The following SERPINI1 variants were observed in gnomAD, a reference collection of about 807,000 sequenced individuals.
SERPINI1 encodes serpin family I member 1, also known as neuroserpin.
Under a neutral mutation model 41.1 loss-of-function variants are expected in SERPINI1, and 19 were observed. The observed-to-expected ratio is 0.46, with a 90% CI of 0.32 to 0.68. The LOEUF (loss-of-function observed/expected upper bound fraction) is 0.68, where lower values mean the gene tolerates loss of function less well. SERPINI1 is among the 30% of genes least tolerant of loss of function. The pLI is 0.03. For synonymous variants in SERPINI1, 138 were observed against 156.6 expected (o/e 0.88, Z 0.89); for missense variants, 460 against 479.2 (o/e 0.96, Z 0.37).
At chr3:167,817,556 T>A (rs1712143397) in intron 6 of SERPINI1, among the ~76,000 whole-genome samples, 1 of 151,906 alleles carries the variant, frequency 6.6e-6, no homozygotes, top group African/African-American at 2.4e-5. Flanking sequence ...TCAAATATTC[T>A]ATTTTTTTCC....
Position 167,778,794 on chromosome 3 carries a change from G to C in SERPINI1, c.-18-10317G>C, listed in dbSNP as rs543136022. ...GGCCCTTACCATAATTCCCGAACAAGAAAGGAGTTAGTCTGGGGAAGAGGC... is the reference window on the plus strand; with the variant it reads ...GGCCCTTACCATAATTCCCGAACAACAAAGGAGTTAGTCTGGGGAAGAGGC... On this transcript the variant is annotated intron_variant, in intron 1 of 8. Coordinates refer to ENST00000446050, the MANE Select transcript of SERPINI1 (RefSeq NM_001122752.2). Among the ~76,000 whole-genome samples, 11 of 152,332 alleles carry C rather than the reference G, an allele frequency of 7.2e-5. No homozygotes were observed. The South Asian group carries it at 2.3e-3, about 32-fold the overall frequency.
At chr3:167,823,945 G>T (rs932280455) in intron 7 of SERPINI1, among the ~76,000 whole-genome samples, 3 of 152,160 alleles carry the variant, frequency 2.0e-5, no homozygotes, top group Admixed American at 1.3e-4. Flanking sequence ...ATACCTCGTT[G>T]TATCTCTCAC....
At chr3:167,756,082 C>G (rs985195064) in intron 1 of SERPINI1, among the ~76,000 whole-genome samples, 6 of 151,210 alleles carry the variant, frequency 4.0e-5, no homozygotes, top group South Asian at 4.2e-4. Flanking sequence ...AGCCATCCTG[C>G]CCACGAATGA....
In SERPINI1 at chr3:167,778,420, G is replaced by A. The variant is rs150002610; in HGVS notation, c.-18-10691G>A. Among the ~76,000 whole-genome samples the A allele has an allele frequency of 3.6e-3, 543 of 152,290 alleles. 1 individual carries two copies. Among genetic ancestry groups the A allele is most frequent in the South Asian group, 0.016 (76 of 4,820 alleles). ...TTTGTAAGGATAATTTGGTGGGCAG[G>A]GGGCTAGGAAATGGGTTTCTCTGAT... On this transcript the variant is annotated intron_variant, in intron 1 of 8. Transcript: ENST00000446050.
chr3:167,739,211 A>G lies in SERPINI1; in HGVS notation c.-19+3388A>G, dbSNP rs934737324. Among the ~76,000 whole-genome samples, 3 of 151,334 alleles carry G rather than the reference A, an allele frequency of 2.0e-5. No individual in the cohort carries two copies. In the Admixed American group the frequency reaches 2.0e-4, roughly 10 times the overall value. ...ACTACGTTATTAACTCTTAGAGACC[A>G]TGTACTTCTTTTCTATCTCCTGTTA... On this transcript the variant is annotated intron_variant, in intron 1 of 8. Transcript: ENST00000446050.
chr3:167,803,737 C>T (rs578054145), intron 5 of SERPINI1, among the ~76,000 whole-genome samples: 5 of 152,254 alleles, frequency 3.3e-5, no homozygotes, highest in African/African-American at 1.2e-4. Flanking sequence ...CTACTAATAT[C>T]TTCCTTCTCT....
At chr3:167,793,851 T>C (rs1727622270) in intron 4 of SERPINI1, among the ~76,000 whole-genome samples, 1 of 151,070 alleles carries the variant, frequency 6.6e-6, no homozygotes, top group Admixed American at 6.6e-5. Context: ...TGTGTGTGTG[T>C]GTGTGTGTGT....
intron 6 of SERPINI1, among the ~76,000 whole-genome samples, chr3:167,821,331 C>T (rs1266041657): frequency 6.6e-6 from 1 of 152,202 alleles, no homozygotes; most frequent in African/African-American, 2.4e-5. Flanking sequence ...AGCTCCCGAG[C>T]CAGGGCTGTG....
intron 6 of SERPINI1, among the ~76,000 whole-genome samples, chr3:167,812,718 G>T (rs2055028): frequency 6.6e-6 from 1 of 152,106 alleles, no homozygotes; most frequent in Non-Finnish European, 1.5e-5. Flanking sequence ...TGAGATGCTC[G>T]ATATTTATTA....
chr3:167,800,362 G>T (rs541074076), intron 5 of SERPINI1, among the ~76,000 whole-genome samples: 16 of 152,230 alleles, frequency 1.1e-4, no homozygotes, highest in African/African-American at 3.8e-4. Flanking sequence ...ATTGTAGTTT[G>T]TTTAGTGTAC....
In SERPINI1 at chr3:167,797,516, T is replaced by G. The variant is rs138559624; in HGVS notation, c.881+2692T>G. Among the ~76,000 whole-genome samples the G allele has an allele frequency of 2.6e-3, 401 of 152,250 alleles. 11 individuals carry two copies. In the East Asian group the frequency reaches 0.055, roughly 21 times the overall value. ...GTCTTTAATCCATCTTGAGTTAACT[T>G]TTGTATAAGGTGTAAGGAAGGGATC... On this transcript the variant is annotated intron_variant, in intron 5 of 8. Coordinates refer to ENST00000446050, the MANE Select transcript of SERPINI1 (RefSeq NM_001122752.2).
chr3:167,767,201 A>G (rs1482185656), intron 1 of SERPINI1, among the ~76,000 whole-genome samples: 1 of 152,226 alleles, frequency 6.6e-6, no homozygotes, highest in Non-Finnish European at 1.5e-5. Flanking sequence ...ATCTTAGGGC[A>G]CTTAAGAATT....
At chr3:167,800,768 T>G (rs1240632980) in intron 5 of SERPINI1, among the ~76,000 whole-genome samples, 1 of 152,042 alleles carries the variant, frequency 6.6e-6, no homozygotes, top group African/African-American at 2.4e-5. Context: ...GAAAACTACA[T>G]AAGTCGTCTG....
chr3:167,793,331 G>A (rs1727590482), intron 4 of SERPINI1, among the ~76,000 whole-genome samples: 1 of 151,934 alleles, frequency 6.6e-6, no homozygotes, highest in Admixed American at 6.6e-5. Flanking sequence ...CAGAAGTTTA[G>A]GGTATTAGTC....
chr3:167,744,733 A>G (rs1310810787), intron 1 of SERPINI1, among the ~76,000 whole-genome samples: 1 of 125,934 alleles, frequency 7.9e-6, no homozygotes, highest in Non-Finnish European at 1.6e-5. Context: ...ATATAAATAT[A>G]TATATTATAT....
intron 5 of SERPINI1, among the ~76,000 whole-genome samples, chr3:167,801,348 A>G (rs1727892679): frequency 6.6e-6 from 1 of 152,248 alleles, no homozygotes; most frequent in South Asian, 2.1e-4. Context: ...TAAAATAGGC[A>G]TGCCCTTTGG....
At chr3:167,750,529 G>A (rs79460116) in intron 1 of SERPINI1, among the ~76,000 whole-genome samples, 5,210 of 152,262 alleles carry the variant, frequency 0.034, 279 homozygotes, top group East Asian at 0.22. Flanking sequence ...AAAGTGAAAG[G>A]TTTACAGGAG....
chr3:167,817,879 G>C (rs970743857), intron 6 of SERPINI1, among the ~76,000 whole-genome samples: 13 of 151,712 alleles, frequency 8.6e-5, no homozygotes, highest in African/African-American at 3.2e-4. Flanking sequence ...GATTACAGGC[G>C]TGAGCCACCG....
At chr3:167,792,094 C>T (rs1250684528) in intron 3 of SERPINI1, among the ~76,000 whole-genome samples, 1 of 152,098 alleles carries the variant, frequency 6.6e-6, no homozygotes, top group Non-Finnish European at 1.5e-5. Context: ...CATTGCACTC[C>T]AGCCTAGGTG....
Sources: allele counts gnomAD v4.1 joint callset (sites outside exome capture counted in the v4.1 genomes callset), GRCh38; gene constraint gnomAD v4.1.1; transcripts MANE v1.5; gene names NCBI Gene and HGNC (gene_info 2026-07-23, HGNC 2026-07-21).